Variants in PPEF1 observed in about 807,000 individuals in gnomAD.
The protein encoded by PPEF1 is protein phosphatase with EF-hand domain 1.
Under a neutral mutation model 53.3 loss-of-function variants are expected in PPEF1, and 12 were observed. The ratio of observed to expected loss-of-function variants is 0.23; its 90% CI spans 0.14 to 0.36. The LOEUF (loss-of-function observed/expected upper bound fraction) is 0.36, where lower values mean the gene tolerates loss of function less well. PPEF1 is among the 10% of genes least tolerant of loss of function. The probability of loss-of-function intolerance (pLI) is 1.00; values close to 1 mark genes in which losing one functional copy is unlikely to be tolerated. For missense variants in PPEF1, 334 were observed against 490.4 expected, an observed-to-expected ratio of 0.68 and a Z score of 3.01; for synonymous variants, 165 against 176.7, an observed-to-expected ratio of 0.93 and a Z score of 0.52.
intron 6 of PPEF1, among the ~76,000 whole-genome samples, chrX:18,776,379 T>A (rs963572828): frequency 4.8e-4 from 53 of 110,471 alleles, no homozygotes; most frequent in African/African-American, 1.7e-3. Flanking sequence ...GGACTACAGG[T>A]GTGCACCATC....
intron 6 of PPEF1, among the ~76,000 whole-genome samples, chrX:18,702,556 G>A (rs1268164345): frequency 2.8e-5 from 3 of 107,930 alleles, no homozygotes; most frequent in South Asian, 4.2e-4. Context: ...AGAACAACTC[G>A]GGGAGGCTGG....
At chrX:18,804,169 GAGA>G in intron 11 of PPEF1, 92 bp downstream of exon 11, 1 of 859,471 alleles carries the variant, frequency 1.2e-6, no homozygotes, top group Non-Finnish European at 1.6e-6. Context: ...AGAAGCCCAT[GAGA>G]AGATGTCTTC....
At chrX:18,699,934 A>G (rs1211123143) in intron 5 of PPEF1, 1 of 112,487 alleles carries the variant, frequency 8.9e-6, no homozygotes, top group Non-Finnish European at 1.9e-5. Context: ...TCTCTTTTCT[A>G]TTTTGTATTG....
At chrX:18,766,440 G>A (rs1031991285) in intron 6 of PPEF1, among the ~76,000 whole-genome samples, 11 of 111,831 alleles carry the variant, frequency 9.8e-5, no homozygotes, top group African/African-American at 3.6e-4. Flanking sequence ...AAATATAAAT[G>A]ACAGTGATAC....
chrX:18,751,606 C>A (rs918848639), intron 4 of PPEF1, among the ~76,000 whole-genome samples: 1 of 110,894 alleles, frequency 9.0e-6, no homozygotes, highest in African/African-American at 3.3e-5. Flanking sequence ...ATGATGAAAC[C>A]CTGTCTCTAC....
At chrX:18,819,256 A>G (rs774411345) in intron 13 of PPEF1, among the ~76,000 whole-genome samples, 1 of 112,575 alleles carries the variant, frequency 8.9e-6, no homozygotes, top group Non-Finnish European at 1.9e-5. Context: ...GAAATATGGA[A>G]CCAGAAACAT....
At chrX:18,823,219 G>A (rs1228016388) in intron 13 of PPEF1, among the ~76,000 whole-genome samples, 3 of 112,138 alleles carry the variant, frequency 2.7e-5, no homozygotes, top group African/African-American at 9.7e-5. Context: ...AGATATTTGT[G>A]TTTTGAAAAA....
At chrX:18,786,793 AAAAAAAAG>A (rs1385662553) in intron 9 of PPEF1, among the ~76,000 whole-genome samples, 2 of 94,364 alleles carry the variant, frequency 2.1e-5, no homozygotes, top group Non-Finnish European at 2.2e-5. Context: ...AAAAAAAAAA[AAAAAAAAG>A]AAAAGAAAAG....
At chrX:18,781,207 G>C (rs1393001415) in intron 7 of PPEF1, among the ~76,000 whole-genome samples, 1 of 110,704 alleles carries the variant, frequency 9.0e-6, no homozygotes, top group Non-Finnish European at 1.9e-5. Context: ...TTCAGTTTTG[G>C]GTAAGCTGAT....
chrX:18,822,344 CA>C (rs1424778422), intron 13 of PPEF1, among the ~76,000 whole-genome samples: 4 of 81,412 alleles, frequency 4.9e-5, no homozygotes, highest in Non-Finnish European at 7.1e-5. Context: ...TCTAGTATCA[CA>C]AAATGTGCAA....
At chrX:18,788,501 G>A (rs1164292337) in intron 9 of PPEF1, among the ~76,000 whole-genome samples, 2 of 110,090 alleles carry the variant, frequency 1.8e-5, no homozygotes, top group Non-Finnish European at 3.8e-5. Context: ...AGTAATTGAT[G>A]CCCTATCAGA....
At chrX:18,731,672 T>C (rs1344518725) in intron 2 of PPEF1, among the ~76,000 whole-genome samples, 1 of 111,892 alleles carries the variant, frequency 8.9e-6, no homozygotes, top group Non-Finnish European at 1.9e-5. Flanking sequence ...TTTTAGTATA[T>C]GTACAGGGTT....
At chrX:18,794,156 G>A (rs1872991052) in intron 10 of PPEF1, among the ~76,000 whole-genome samples, 1 of 113,123 alleles carries the variant, frequency 8.8e-6, no homozygotes, top group Non-Finnish European at 1.9e-5. Context: ...CTTTGCAGGG[G>A]CAGGGCTTTA....
At chrX:18,688,713 C>A (rs1490630655) in intron 3 of PPEF1, 1 of 112,118 alleles carries the variant, frequency 8.9e-6, no homozygotes, top group Non-Finnish European at 1.9e-5. Flanking sequence ...CTGAGTAAAC[C>A]ATAAAAATTA....
At chrX:18,781,031 G>A (rs1004886029) in intron 7 of PPEF1, among the ~76,000 whole-genome samples, 47 of 97,735 alleles carry the variant, frequency 4.8e-4, no homozygotes, top group African/African-American at 1.7e-3. Flanking sequence ...ACTCCAGCCT[G>A]GGCGACAGCG....
chrX:18,772,246 G>T (rs1281322933), intron 6 of PPEF1, among the ~76,000 whole-genome samples: 2 of 111,133 alleles, frequency 1.8e-5, no homozygotes, highest in African/African-American at 6.5e-5. Flanking sequence ...TGTTGAGTAG[G>T]CTGAGGAGGA....
At chrX:18,808,231 C>T (rs1447219680) in intron 12 of PPEF1, among the ~76,000 whole-genome samples, 3 of 109,796 alleles carry the variant, frequency 2.7e-5, no homozygotes, top group African/African-American at 9.9e-5. Context: ...TCCCAAAGTG[C>T]TGGGATTACA....
intron 1 of PPEF1, among the ~76,000 whole-genome samples, chrX:18,683,682 G>A (rs1018783876): frequency 8.0e-5 from 9 of 112,052 alleles, no homozygotes; most frequent in Admixed American, 7.6e-4. Context: ...GATGTGTCTG[G>A]CTAAAACAGC....
chrX:18,818,126 T>C lies in PPEF1; in HGVS notation c.1482T>C (p.Leu494=), dbSNP rs1283568356. The C allele has an allele frequency of 3.4e-6, 4 of 1,192,222 alleles. No individual in the cohort carries two copies. The Middle Eastern group carries it at 7.0e-4, about 208-fold the overall frequency. ...GTGACCTTACTCGTGCTTTCCAACT[T>C]CAAGACCACAGAAAATCAGGTAACA... ...RKSDLTRAFQ[L]QDHRKSGKLS... Residue 494 remains leucine, a synonymous_variant, in exon 13 of 16, where the codon CTT becomes CTC. Transcript: ENST00000470157.
Sources: allele counts gnomAD v4.1 joint callset (sites outside exome capture counted in the v4.1 genomes callset), GRCh38; gene constraint gnomAD v4.1.1; transcripts MANE v1.5; gene names NCBI Gene and HGNC (gene_info 2026-07-23, HGNC 2026-07-21).